C4BPB: variants seen among roughly 807,000 people sequenced by gnomAD.
C4BPB encodes the protein complement component 4 binding protein beta.
Under a neutral mutation model 26.6 loss-of-function variants are expected in C4BPB, and 19 were observed. The ratio of observed to expected loss-of-function variants is 0.71; its 90% CI spans 0.50 to 1.05. C4BPB has a LOEUF of 1.05. Ranked by LOEUF, C4BPB falls within the 50% of genes least tolerant of loss-of-function variation. C4BPB has a pLI of 0.00. For synonymous variants in C4BPB, 118 were observed against 103.5 expected, an observed-to-expected ratio of 1.14 and a Z score of -0.85; for missense variants, 282 against 302.9, an observed-to-expected ratio of 0.93 and a Z score of 0.51.
At chr1:207,089,171 C>G in intron 1 of C4BPB, 1 of 239,816 alleles carries the variant, frequency 4.2e-6, no homozygotes. Context: ...CATGGCAAGA[C>G]CATTTGGCCC....
At chr1:207,096,015 T>G (rs1684236156) in intron 4 of C4BPB, 2 of 176,550 alleles carry the variant, frequency 1.1e-5, no homozygotes, top group South Asian at 2.5e-4. Context: ...TTAAACCTCT[T>G]TTCTTTATAA....
intron 5 of C4BPB, 144 bp from the exon 6 acceptor site, chr1:207,098,006 T>C: frequency 1.5e-6 from 1 of 654,268 alleles, no homozygotes; most frequent in African/African-American, 1.8e-5. Flanking sequence ...AATACCGAGA[T>C]AACTTAAGCA....
At chr1:207,092,096 C>T (rs190375508) in intron 4 of C4BPB, among the ~76,000 whole-genome samples, 3 of 152,208 alleles carry the variant, frequency 2.0e-5, no homozygotes, top group Admixed American at 6.5e-5. Context: ...TTTGGAGCAT[C>T]GACTATTTTA....
intron 4 of C4BPB, among the ~76,000 whole-genome samples, chr1:207,094,368 A>G (rs1344206560): frequency 6.6e-6 from 1 of 152,186 alleles, no homozygotes; most frequent in Non-Finnish European, 1.5e-5. Context: ...CACAAACTAT[A>G]TATGCTCTTA....
chr1:207,091,532 G>T (rs1684024646), intron 3 of C4BPB, 112 bp from the exon 4 acceptor site: 1 of 739,990 alleles, frequency 1.4e-6, no homozygotes, highest in Admixed American at 2.7e-5. Context: ...TTAAAAATGT[G>T]CAGTATTAAC....
intron 5 of C4BPB, among the ~76,000 whole-genome samples, chr1:207,097,620 G>A (rs1283167253): frequency 2.0e-5 from 3 of 151,140 alleles, no homozygotes; most frequent in Non-Finnish European, 2.9e-5. Flanking sequence ...AAGACTTAGT[G>A]TATAGACCCT....
At chr1:207,096,490 A>G (rs767045550) in intron 4 of C4BPB, 32 bp from the exon 5 acceptor site, 3 of 1,369,392 alleles carry the variant, frequency 2.2e-6, no homozygotes, top group Non-Finnish European at 2.1e-6. Context: ...CCTGGCCCTC[A>G]TAACTATGAC....
chr1:207,089,291 T>G, intron 1 of C4BPB, 191 bp from the exon 2 acceptor site: 1 of 462,560 alleles, frequency 2.2e-6, no homozygotes, highest in Non-Finnish European at 3.8e-6. Context: ...TGGCAACTCT[T>G]TTACCATCCC....
intron 6 of C4BPB, among the ~76,000 whole-genome samples, chr1:207,098,486 T>G (rs1351353379): frequency 1.3e-5 from 2 of 152,202 alleles, no homozygotes; most frequent in African/African-American, 4.8e-5. Context: ...AAATACCTCA[T>G]GAGACCCTGT....
At position 207,091,666 on chromosome 1, in the gene C4BPB, G is replaced by A; in HGVS notation, c.255G>A (p.Val85=). The A allele has an allele frequency of 6.2e-7, 1 of 1,613,876 alleles. No individual in the cohort carries two copies. The highest frequency in any genetic ancestry group is 8.5e-7 in the Non-Finnish European group (1 of 1,179,922). The change falls in exon 4 of 7, where the codon GTG becomes GTA. Residue 85 remains valine (V), a synonymous_variant. Transcript: ENST00000367078. ...CAGTGGGCCACTGTCCTGATCCTGT[G>A]CTGGTGAATGGAGAGTTCAGTTCTT... ...ECRLGHCPDP[V]LVNGEFSSSG...
intron 4 of C4BPB, chr1:207,095,383 T>G: frequency 2.2e-6 from 1 of 456,618 alleles, no homozygotes; most frequent in South Asian, 1.5e-5. Flanking sequence ...CAGGCTGGAG[T>G]GCAGTGGCAG....
rs1271708108 is a variant in C4BPB at position 207,098,135 on chromosome 1, C to A, written c.504-15C>A. 1.9e-6 allele frequency: 3 copies of A among 1,604,008 alleles called. No homozygotes were observed. The highest frequency in any genetic ancestry group is 2.6e-6 in the Non-Finnish European group (3 of 1,171,046). ...GAAAGTGGAAAAGCTAAGCCTTGTT[C>A]TAATTTCTGTTCAGGTACTACTTAG... On this transcript the variant is annotated splice_polypyrimidine_tract_variant and intron_variant, in intron 5 of 6. Transcript: ENST00000367078.
chr1:207,098,939 A>G (rs1684361970), intron 6 of C4BPB, among the ~76,000 whole-genome samples: 1 of 152,114 alleles, frequency 6.6e-6, no homozygotes, highest in African/African-American at 2.4e-5. Flanking sequence ...AGAGACAGTG[A>G]CAGATCATCA....
Position 207,089,609 on chromosome 1 carries a change from A to G in C4BPB, c.58+20A>G, listed in dbSNP as rs1270927441. 5 of 1,611,772 alleles carry G rather than the reference A, an allele frequency of 3.1e-6. No individual in the cohort carries two copies. The highest frequency in any genetic ancestry group is 1.1e-5 in the South Asian group (1 of 91,020). ...CAGATGGTACGTATGCTTTCCTTCA[A>G]CTCAGCTTACAGGCATTTGGTGTCC... is the stretch of plus-strand genomic sequence containing the variant. On this transcript the variant is annotated intron_variant, in intron 2 of 6. Transcript: ENST00000367078.
intron 4 of C4BPB, among the ~76,000 whole-genome samples, chr1:207,093,762 TTTAA>T (rs1436368308): frequency 6.6e-6 from 1 of 152,118 alleles, no homozygotes; most frequent in African/African-American, 2.4e-5. Flanking sequence ...AATGGGCAGA[TTTAA>T]TTAAATTTTT....
In C4BPB at chr1:207,099,984, G is replaced by A. The variant is rs1435685534; in HGVS notation, c.*55G>A. The A allele has an allele frequency of 1.8e-5, 27 of 1,528,278 alleles. No individual in the cohort carries two copies. In the Admixed American group the frequency reaches 4.9e-4, roughly 28 times the overall value. 94.7% of individuals were successfully genotyped at this position (1,528,278 alleles called of 1,614,324 possible). A position where few individuals can be genotyped will look rare whatever the true frequency, so the allele number is the denominator to read the frequency against. ...AAACCTATGAATAAATTTTCTTCTT[G>A]GTTCTGAAATTGGTTTCAGATTTAC... On this transcript the variant is annotated 3_prime_UTR_variant, in exon 7 of 7. Coordinates refer to ENST00000367078, the MANE Select transcript of C4BPB (RefSeq NM_001017365.3).
chr1:207,094,524 C>T (rs531918098), intron 4 of C4BPB, among the ~76,000 whole-genome samples: 2 of 152,272 alleles, frequency 1.3e-5, no homozygotes, highest in South Asian at 2.1e-4. Context: ...TTCTGGTTTA[C>T]TCTCTTTTAA....
At position 207,089,534 on chromosome 1, in the gene C4BPB, G is replaced by GT. The variant is rs1558074374; in HGVS notation, c.10dup (p.Trp4LeufsTer29). ...GGGGAGAGGACTTTGATCACCAGAT[G>GT]TTTTTTTGGTGTGCGTGCTGTCTTA... is the stretch of plus-strand genomic sequence containing the variant. On this transcript the variant is annotated frameshift_variant, in exon 2 of 7. Transcript: ENST00000367078. LOFTEE classifies it high-confidence loss of function. The GT allele has an allele frequency of 3.7e-6, 6 of 1,613,898 alleles. No homozygotes were observed. The highest frequency in any genetic ancestry group is 1.6e-4 in the Middle Eastern group (1 of 6,062).
chr1:207,099,435 T>C (rs1684381256), intron 6 of C4BPB, among the ~76,000 whole-genome samples: 1 of 152,170 alleles, frequency 6.6e-6, no homozygotes, highest in Non-Finnish European at 1.5e-5. Flanking sequence ...TACCGGTCTG[T>C]GGCCCTGGGG....
Sources: gnomAD v4.1 joint callset for allele counts (sites outside exome capture counted in the v4.1 genomes callset) on GRCh38, gnomAD v4.1.1 for gene constraint, MANE v1.5 for transcripts, NCBI Gene and HGNC (gene_info 2026-07-23, HGNC 2026-07-21) for gene names.